Variants in SLC43A2 observed in about 807,000 individuals in gnomAD.
SLC43A2 encodes solute carrier family 43 member 2, also known as large neutral amino acids transporter small subunit 4.
In SLC43A2, 38 loss-of-function variants were observed where a neutral mutation model predicts 63.2. The ratio of observed to expected loss-of-function variants is 0.60; its 90% CI spans 0.46 to 0.79. The LOEUF is 0.79. Ranked by LOEUF, SLC43A2 falls within the 30% of genes least tolerant of loss-of-function variation. SLC43A2 has a pLI of 0.00. For synonymous variants in SLC43A2, 322 were observed against 331.0 expected, an observed-to-expected ratio of 0.97 and a Z score of 0.30; for missense variants, 644 against 756.2, an observed-to-expected ratio of 0.85 and a Z score of 1.74.
At chr17:1,597,822 G>GAAAAAAT (rs2151054389) in intron 5 of SLC43A2, among the ~76,000 whole-genome samples, 1 of 152,164 alleles carries the variant, frequency 6.6e-6, no homozygotes, top group East Asian at 1.9e-4. Context: ...AAAGAAAAAA[G>GAAAAAAT]AAAAAGAAAA....
At chr17:1,620,512 G>A (rs145903489) in intron 2 of SLC43A2, among the ~76,000 whole-genome samples, 153 of 152,204 alleles carry the variant, frequency 1.0e-3, no homozygotes, top group Non-Finnish European at 1.9e-3. Context: ...TACACACAGG[G>A]GCAGGGACCT....
At chr17:1,600,087 GATGTTA>G (rs1197515726) in intron 5 of SLC43A2, among the ~76,000 whole-genome samples, 18 of 132,448 alleles carry the variant, frequency 1.4e-4, no homozygotes, top group African/African-American at 4.6e-4. Flanking sequence ...TTTCTATGGG[GATGTTA>G]ATCTTTCTTT....
intron 8 of SLC43A2, 85 bp from the exon 9 acceptor site, chr17:1,591,033 C>A: frequency 6.9e-7 from 1 of 1,445,530 alleles, no homozygotes; most frequent in Non-Finnish European, 9.4e-7. Flanking sequence ...ACGCTGGAGG[C>A]CAGGAGGGGG....
intron 10 of SLC43A2, 77 bp downstream of exon 10, chr17:1,585,836 G>C: frequency 6.2e-7 from 1 of 1,608,596 alleles, no homozygotes; most frequent in South Asian, 1.1e-5. Context: ...CACCCACCCT[G>C]TGCCTGACAT....
intron 6 of SLC43A2, among the ~76,000 whole-genome samples, chr17:1,591,996 G>A (rs969062087): frequency 3.3e-5 from 5 of 152,202 alleles, no homozygotes; most frequent in African/African-American, 7.2e-5. Context: ...CATAGTGATC[G>A]GCCCAGCAGA....
Position 1,572,686 on chromosome 17 carries a change from A to G in SLC43A2, c.*2918T>C, listed in dbSNP as rs1278172092. 1.3e-5 allele frequency: 2 copies of G among 152,348 alleles called. No homozygotes were observed. Among genetic ancestry groups the G allele is most frequent in the Non-Finnish European group, 2.9e-5 (2 of 68,200 alleles). 9.4% of individuals were successfully genotyped at this position (152,348 alleles called of 1,614,324 possible). A position where few individuals can be genotyped will look rare whatever the true frequency, so the allele number is the denominator to read the frequency against. ...GCCACAGCCTCTGTACCCTGCTCGCATTTTCAGGCCTCAATCCCCAAGCAC... is the reference window on the plus strand; with the variant it reads ...GCCACAGCCTCTGTACCCTGCTCGCGTTTTCAGGCCTCAATCCCCAAGCAC... On this transcript the variant is annotated 3_prime_UTR_variant, in exon 14 of 14. Transcript: ENST00000301335.
chr17:1,616,382 GC>G, intron 3 of SLC43A2, 179 bp downstream of exon 3: 1 of 639,362 alleles, frequency 1.6e-6, no homozygotes, highest in Non-Finnish European at 2.7e-6. Context: ...CTGGAGCACG[GC>G]GAGGACCACA....
intron 2 of SLC43A2, among the ~76,000 whole-genome samples, chr17:1,623,707 T>C (rs1393388912): frequency 1.5e-5 from 2 of 131,180 alleles, no homozygotes; most frequent in African/African-American, 6.0e-5. Context: ...TCCTCCAGGC[T>C]GTACCCTCCT....
At position 1,583,877 on chromosome 17, in the gene SLC43A2, G is replaced by C. The variant is rs1011151444; in HGVS notation, c.1218-541C>G. Among the ~76,000 whole-genome samples the C allele has an allele frequency of 6.6e-6, 1 of 151,814 alleles. No homozygotes were observed. Among genetic ancestry groups the C allele is most frequent in the African/African-American group, 2.4e-5 (1 of 41,348 alleles). On this transcript the variant is annotated intron_variant, in intron 10 of 13. Coordinates refer to ENST00000301335, the MANE Select transcript of SLC43A2 (RefSeq NM_152346.3). This position sits in a 1 kb window ranked among gnomAD's most constrained non-coding sequence, Gnocchi z 5.5. The stretch of plus-strand genomic sequence containing the variant: ...ATAGCACAGCACTGTTTTTTGTTTT[G>C]TTTTGTTTTGTTTTTTTGTTCTTTG...
At chr17:1,579,148 A>T (rs544444437) in intron 11 of SLC43A2, among the ~76,000 whole-genome samples, 118 of 145,404 alleles carry the variant, frequency 8.1e-4, no homozygotes, top group African/African-American at 2.3e-3. Context: ...CAAAAAAAAA[A>T]AATAATAATA....
chr17:1,577,299 G>T lies in SLC43A2; in HGVS notation c.1425-579C>A, dbSNP rs553254311. Among the ~76,000 whole-genome samples the T allele has an allele frequency of 6.6e-6, 1 of 152,338 alleles. No individual in the cohort carries two copies. The highest frequency in any genetic ancestry group is 1.5e-5 in the Non-Finnish European group (1 of 68,034). On this transcript the variant is annotated intron_variant, in intron 12 of 13. Transcript: ENST00000301335. The surrounding 1 kb of genome is among the most constrained non-coding windows in gnomAD (Gnocchi z 4.9). ...GCCGAGTGGAAAGCGTGGTGCCAGCGGGGACCTGCGGTTTGGGAAACAGGC... is the reference window on the plus strand; with the variant it reads ...GCCGAGTGGAAAGCGTGGTGCCAGCTGGGACCTGCGGTTTGGGAAACAGGC...
chr17:1,626,284 A>T (rs1908660939), intron 2 of SLC43A2, among the ~76,000 whole-genome samples: 1 of 151,476 alleles, frequency 6.6e-6, no homozygotes, highest in Non-Finnish European at 1.5e-5. Flanking sequence ...AGGAAGAAGT[A>T]AACACTCCAA....
At position 1,625,015 on chromosome 17, in the gene SLC43A2, G is replaced by A. The variant is rs1908541984; in HGVS notation, c.160+2700C>T. 2.6e-5 allele frequency among the ~76,000 whole-genome samples: 4 copies of A among 152,302 alleles called. No homozygotes were observed. The South Asian group carries it at 8.3e-4, about 32-fold the overall frequency. ...AAAGAGCTCAGGAGTGGGCCGTCAC[G>A]TTGCCATCCCAGAGGCCAAGAGGAC... On this transcript the variant is annotated intron_variant, in intron 2 of 13. Transcript: ENST00000301335.
chr17:1,587,602 C>T (rs1208726633), intron 9 of SLC43A2, among the ~76,000 whole-genome samples: 1 of 152,224 alleles, frequency 6.6e-6, no homozygotes, highest in East Asian at 1.9e-4. Flanking sequence ...TCTAGAGGCC[C>T]TTGGCTGCTC....
chr17:1,582,173 A>G (rs1309103198), intron 11 of SLC43A2, among the ~76,000 whole-genome samples: 43 of 148,710 alleles, frequency 2.9e-4, no homozygotes, highest in African/African-American at 9.2e-4. Context: ...TCCGCCTCCC[A>G]GGTTCAAATG....
At chr17:1,619,838 C>T (rs796733340) in intron 2 of SLC43A2, among the ~76,000 whole-genome samples, 18 of 152,230 alleles carry the variant, frequency 1.2e-4, no homozygotes, top group South Asian at 8.3e-4. Context: ...CACGCCAGGG[C>T]CCAGGATGGG....
chr17:1,586,239 A>AG (rs2076099869), intron 9 of SLC43A2, among the ~76,000 whole-genome samples, 188 bp from the exon 10 acceptor site: 2 of 152,134 alleles, frequency 1.3e-5, no homozygotes, highest in Non-Finnish European at 2.9e-5. Context: ...AGCACGGGGC[A>AG]GGTCACCTTC....
chr17:1,621,572 G>A (rs936796954), intron 2 of SLC43A2, among the ~76,000 whole-genome samples: 1 of 152,214 alleles, frequency 6.6e-6, no homozygotes, highest in Non-Finnish European at 1.5e-5. Context: ...GGCCGTCCTG[G>A]GCTGACCAGG....
At chr17:1,624,090 C>A (rs949493712) in intron 2 of SLC43A2, among the ~76,000 whole-genome samples, 2 of 152,240 alleles carry the variant, frequency 1.3e-5, no homozygotes, top group African/African-American at 4.8e-5. Context: ...CCCAGCACGG[C>A]ACCTTCGTCA....
Sources: allele counts gnomAD v4.1 joint callset (sites outside exome capture counted in the v4.1 genomes callset), GRCh38; gene constraint gnomAD v4.1.1; non-coding constraint Gnocchi (gnomAD v3.1); transcripts MANE v1.5; gene names NCBI Gene and HGNC (gene_info 2026-07-23, HGNC 2026-07-21).